CNTN5: variants seen among roughly 807,000 people sequenced by gnomAD.
CNTN5 encodes contactin-5.
Under a neutral mutation model 129.1 loss-of-function variants are expected in CNTN5, and 77 were observed. The observed-to-expected ratio is 0.60, with a 90% CI of 0.50 to 0.72. The LOEUF (loss-of-function observed/expected upper bound fraction) is 0.72, where lower values mean the gene tolerates loss of function less well. Ranked by LOEUF, CNTN5 falls within the 30% of genes least tolerant of loss-of-function variation. CNTN5 has a pLI of 0.00. For missense variants in CNTN5, 1,478 were observed against 1,328.8 expected, an observed-to-expected ratio of 1.11 and a Z score of -1.75; for synonymous variants, 509 against 465.6, an observed-to-expected ratio of 1.09 and a Z score of -1.20.
At chr11:99,159,010 T>C (rs1485780440) in intron 1 of CNTN5, among the ~76,000 whole-genome samples, 1 of 152,160 alleles carries the variant, frequency 6.6e-6, no homozygotes, top group Non-Finnish European at 1.5e-5. Flanking sequence ...AATTTAAGAA[T>C]CTGTTATGCA....
At chr11:99,288,786 A>G (rs1565464982) in intron 1 of CNTN5, among the ~76,000 whole-genome samples, 2 of 151,936 alleles carry the variant, frequency 1.3e-5, no homozygotes, top group Non-Finnish European at 2.9e-5. Flanking sequence ...AAAATGAACT[A>G]TTATTTTGAA....
Position 99,117,068 on chromosome 11 carries a change from G to A in CNTN5, c.-210+95798G>A, listed in dbSNP as rs187147805. Among the ~76,000 whole-genome samples, 337 of 152,254 alleles carry A rather than the reference G, an allele frequency of 2.2e-3. 1 individual carries two copies. The highest frequency in any genetic ancestry group is 3.3e-3 in the Non-Finnish European group (227 of 68,020). On this transcript the variant is annotated intron_variant, in intron 1 of 24. Coordinates refer to ENST00000524871, the MANE Select transcript of CNTN5 (RefSeq NM_014361.4). ...AGTAAAAGAGGTGAGAGGAAAACCA[G>A]TAAAGAATGGTATTCCAGAAGTATG...
At chr11:99,409,476 T>TA (rs1372160912) in intron 2 of CNTN5, among the ~76,000 whole-genome samples, 17 of 152,076 alleles carry the variant, frequency 1.1e-4, no homozygotes, top group Admixed American at 2.0e-4. Flanking sequence ...GTCTCAAAAA[T>TA]AAAAAAATAA....
At chr11:99,834,312 T>C (rs1947235871) in intron 4 of CNTN5, among the ~76,000 whole-genome samples, 1 of 152,168 alleles carries the variant, frequency 6.6e-6, no homozygotes, top group African/African-American at 2.4e-5. Flanking sequence ...TGATTGCTTC[T>C]TTATGTTGTC....
At chr11:99,694,664 C>G (rs1485049927) in intron 3 of CNTN5, among the ~76,000 whole-genome samples, 1 of 152,018 alleles carries the variant, frequency 6.6e-6, no homozygotes, top group Admixed American at 6.6e-5. Context: ...TGCTATCCCT[C>G]CCCGAGCCCC....
At chr11:99,171,931 C>T (rs956004257) in intron 1 of CNTN5, among the ~76,000 whole-genome samples, 1 of 152,110 alleles carries the variant, frequency 6.6e-6, no homozygotes, top group Admixed American at 6.5e-5. Context: ...AAGTTACTTC[C>T]GAGCACAGGG....
intron 8 of CNTN5, among the ~76,000 whole-genome samples, chr11:99,989,775 G>A (rs1306995007): frequency 4.0e-5 from 6 of 151,418 alleles, no homozygotes; most frequent in African/African-American, 1.5e-4. Flanking sequence ...ATCTTTTTTT[G>A]TGTGTGAGAG....
intron 9 of CNTN5, among the ~76,000 whole-genome samples, chr11:100,035,258 T>C (rs1941924349): frequency 6.6e-6 from 1 of 151,512 alleles, no homozygotes; most frequent in Admixed American, 6.6e-5. Flanking sequence ...CTGAGAATGA[T>C]GATTTCCAAT....
intron 18 of CNTN5, among the ~76,000 whole-genome samples, chr11:100,284,352 G>A (rs953805106): frequency 2.6e-5 from 4 of 152,128 alleles, no homozygotes; most frequent in African/African-American, 9.7e-5. Flanking sequence ...CTATATTTAA[G>A]CTATATTTTC....
At chr11:100,105,610 C>T (rs1945399744) in intron 13 of CNTN5, among the ~76,000 whole-genome samples, 1 of 152,132 alleles carries the variant, frequency 6.6e-6, no homozygotes, top group Admixed American at 6.5e-5. Context: ...TAGCACTTTT[C>T]CCACTGAGTC....
At chr11:100,303,401 T>G (rs942372432) in intron 20 of CNTN5, among the ~76,000 whole-genome samples, 1 of 151,626 alleles carries the variant, frequency 6.6e-6, no homozygotes, top group Non-Finnish European at 1.5e-5. Flanking sequence ...TTCTTCCACA[T>G]TTCAAGAAAT....
intron 9 of CNTN5, among the ~76,000 whole-genome samples, chr11:100,032,253 T>A (rs1264405887): frequency 6.6e-6 from 1 of 152,164 alleles, no homozygotes; most frequent in Non-Finnish European, 1.5e-5. Flanking sequence ...TATCTGAGTG[T>A]TCTAGTGCTT....
At chr11:99,934,846 G>C (rs543979511) in intron 7 of CNTN5, among the ~76,000 whole-genome samples, 10 of 148,918 alleles carry the variant, frequency 6.7e-5, no homozygotes, top group African/African-American at 2.0e-4. Flanking sequence ...CTGCACTCCA[G>C]CCTGGGCAAC....
intron 3 of CNTN5, among the ~76,000 whole-genome samples, chr11:99,571,290 A>G (rs1763604131): frequency 6.6e-6 from 1 of 152,184 alleles, no homozygotes; most frequent in South Asian, 2.1e-4. Context: ...TACTGGTATG[A>G]ATCTACCAAA....
intron 6 of CNTN5, among the ~76,000 whole-genome samples, chr11:99,893,144 A>G (rs1949109232): frequency 6.6e-6 from 1 of 152,162 alleles, no homozygotes; most frequent in South Asian, 2.1e-4. Flanking sequence ...TTAGTAGGAA[A>G]ATTCCAGAAC....
At chr11:99,766,060 G>T (rs1332228591) in intron 3 of CNTN5, among the ~76,000 whole-genome samples, 1 of 151,886 alleles carries the variant, frequency 6.6e-6, no homozygotes, top group South Asian at 2.1e-4. Context: ...GTAATCAAAT[G>T]TTATTGCAAA....
At chr11:99,963,372 C>A (rs1382408061) in intron 8 of CNTN5, among the ~76,000 whole-genome samples, 7 of 152,162 alleles carry the variant, frequency 4.6e-5, no homozygotes, top group Non-Finnish European at 1.5e-5. Context: ...CAGCTTTCTA[C>A]ATATGGCTAG....
At chr11:100,147,097 G>C (rs992675291) in intron 13 of CNTN5, among the ~76,000 whole-genome samples, 1 of 151,930 alleles carries the variant, frequency 6.6e-6, no homozygotes, top group Non-Finnish European at 1.5e-5. Context: ...ATACTCTTTA[G>C]CATGGCAAAC....
intron 1 of CNTN5, among the ~76,000 whole-genome samples, chr11:99,042,597 G>A (rs969744237): frequency 9.2e-5 from 14 of 151,792 alleles, no homozygotes; most frequent in Admixed American, 5.9e-4. Flanking sequence ...GGATGGTCTC[G>A]ACCTTCTGAC....
Sources: allele counts gnomAD v4.1 joint callset (sites outside exome capture counted in the v4.1 genomes callset), GRCh38; gene constraint gnomAD v4.1.1; transcripts MANE v1.5; gene names NCBI Gene and HGNC (gene_info 2026-07-23, HGNC 2026-07-21).